U2SURP: variants seen among roughly 807,000 people sequenced by gnomAD.
U2SURP encodes U2 snRNP-associated SURP motif-containing protein.
A neutral mutation model predicts 144.9 loss-of-function variants in U2SURP; 9 were observed. The observed-to-expected ratio is 0.06, with a 90% CI of 0.04 to 0.11. The LOEUF is 0.11. Ranked by LOEUF, U2SURP falls within the 10% of genes least tolerant of loss-of-function variation. U2SURP has a pLI of 1.00. For synonymous variants in U2SURP, 408 were observed against 396.8 expected (o/e 1.03, Z -0.33); for missense variants, 724 against 1,226.7 (o/e 0.59, Z 6.12).
intron 22 of U2SURP, 75 bp downstream of exon 22, chr3:143,038,278 T>C (rs1207242987): frequency 1.6e-5 from 18 of 1,127,216 alleles, no homozygotes; most frequent in Non-Finnish European, 1.3e-5. Context: ...GTATATATGT[T>C]TTCCTTTTAT....
At chr3:143,012,191 G>T (rs1292703480) in intron 2 of U2SURP, 31 bp from the exon 3 acceptor site, 2 of 1,601,506 alleles carry the variant, frequency 1.2e-6, no homozygotes, top group African/African-American at 1.3e-5. Flanking sequence ...TGTGTGGTTT[G>T]TTTTTTTCTC....
At chr3:143,016,648 A>T (rs757149730) in intron 5 of U2SURP, among the ~76,000 whole-genome samples, 194 bp from the exon 6 acceptor site, 1 of 152,154 alleles carries the variant, frequency 6.6e-6, no homozygotes, top group Non-Finnish European at 1.5e-5. Flanking sequence ...ACAAATTTTA[A>T]TATGTGTCAT....
Position 143,004,364 on chromosome 3 carries a change from T to G in U2SURP, c.45+2691T>G, listed in dbSNP as rs990226556. On this transcript the variant is annotated intron_variant, in intron 1 of 27. Transcript: ENST00000473835. ...CTTCTAGTTGGGGTGTTTTTTTTTT[T>G]TTTTTTTTTTTTTTTTTGAGAGGGA... 9.2e-5 allele frequency among the ~76,000 whole-genome samples: 6 copies of G among 65,388 alleles called. No homozygotes were observed. In the South Asian group the frequency reaches 1.4e-3, roughly 15 times the overall value. The allele number at this position is 65,388 out of a possible 152,430, so 42.9% of individuals were successfully genotyped here.
chr3:143,035,496 A>G (rs985450534), intron 19 of U2SURP, among the ~76,000 whole-genome samples: 1 of 152,062 alleles, frequency 6.6e-6, no homozygotes, highest in African/African-American at 2.4e-5. Context: ...CATTCAGACA[A>G]CTCCCATTTT....
chr3:143,004,687 T>A (rs1334397943), intron 1 of U2SURP, among the ~76,000 whole-genome samples: 1 of 151,660 alleles, frequency 6.6e-6, no homozygotes, highest in Non-Finnish European at 1.5e-5. Context: ...TTGAATGACT[T>A]ACCTTTATTC....
chr3:143,047,004 C>A (rs1410444021), intron 24 of U2SURP, among the ~76,000 whole-genome samples: 3 of 139,980 alleles, frequency 2.1e-5, no homozygotes, highest in Non-Finnish European at 4.6e-5. Flanking sequence ...GGGGCTGACC[C>A]CCCCACCTCC....
chr3:143,027,000 C>A, intron 13 of U2SURP, 149 bp from the exon 14 acceptor site: 1 of 612,054 alleles, frequency 1.6e-6, no homozygotes, highest in Non-Finnish European at 2.9e-6. Flanking sequence ...AAGGCATTAA[C>A]ATATGCTCCA....
In U2SURP at chr3:143,045,630, G is replaced by A. The variant is rs377041285; in HGVS notation, c.2544+2354G>A. 7.2e-5 allele frequency among the ~76,000 whole-genome samples: 11 copies of A among 152,190 alleles called. No individual in the cohort carries two copies. In the East Asian group the frequency reaches 2.1e-3, roughly 29 times the overall value. On this transcript the variant is annotated intron_variant, in intron 24 of 27. Coordinates refer to ENST00000473835, the MANE Select transcript of U2SURP (RefSeq NM_001080415.2). The stretch of plus-strand genomic sequence containing the variant: ...TTGTATACGTATATATGCGATACAC[G>A]TGCATGCACATTGCACACATATATG...
rs1293564549 is a variant in U2SURP at position 143,034,905 on chromosome 3, G to A, written c.1871G>A (p.Cys624Tyr). 3 of 1,598,328 alleles carry A rather than the reference G, an allele frequency of 1.9e-6. No homozygotes were observed. Among genetic ancestry groups the A allele is most frequent in the Non-Finnish European group, 2.6e-6 (3 of 1,170,576 alleles). ...YYRKFFETKL[C>Y]QIFSDLNATY... The stretch of plus-strand genomic sequence containing the variant: ...AATTTCAGTTTTGAAACAAAGTTAT[G>A]TCAGATATTTTCAGACCTCAATGCC... Residue 624 changes from cysteine to tyrosine, a missense_variant, in exon 19 of 28, where the codon TGT becomes TAT. Cys to Tyr is a radical substitution (Grantham distance 194). Coordinates refer to ENST00000473835, the MANE Select transcript of U2SURP (RefSeq NM_001080415.2).
intron 1 of U2SURP, among the ~76,000 whole-genome samples, chr3:143,007,444 ATT>A (rs397877854): frequency 8.5e-5 from 10 of 118,220 alleles, no homozygotes; most frequent in East Asian, 2.4e-4. Context: ...CTTTCAAGAG[ATT>A]TTTTTTTTTT....
In U2SURP at chr3:143,034,990, T is replaced by TGG; in HGVS notation, c.1941+15_1941+16insGG. The TGG allele has an allele frequency of 8.1e-7, 1 of 1,235,076 alleles. No individual in the cohort carries two copies. The allele number at this position is 1,235,076 out of a possible 1,614,324, so 76.5% of individuals were successfully genotyped here. ...AAAACTTTAAGGTACGTTTATTGTT[T>TGG]TACTATTTTTGCCCTAGTGTTTTAA... On this transcript the variant is annotated intron_variant, in intron 19 of 27. Transcript: ENST00000473835.
intron 26 of U2SURP, among the ~76,000 whole-genome samples, chr3:143,054,215 CT>C (rs1255213281): frequency 6.6e-6 from 1 of 152,184 alleles, no homozygotes; most frequent in Non-Finnish European, 1.5e-5. Flanking sequence ...TAGGCCAAAG[CT>C]CACCTTAAGT....
At position 143,020,680 on chromosome 3, in the gene U2SURP, TCAG is replaced by T. The variant is rs1243265490; in HGVS notation, c.722_724del (p.Gln241del). ...AACCTCCTCAGTCAGATTCTGATGG[TCAG>T]CGTCGTTCTAGTAAGTGGCATTTAT... On this transcript the variant is annotated inframe_deletion, in exon 8 of 28. Coordinates refer to ENST00000473835, the MANE Select transcript of U2SURP (RefSeq NM_001080415.2). 21 of 1,612,432 alleles carry T rather than the reference TCAG, an allele frequency of 1.3e-5. No homozygotes were observed. Among genetic ancestry groups the T allele is most frequent in the Non-Finnish European group, 1.7e-5 (20 of 1,179,108 alleles).
rs1416415130 is a variant in U2SURP at position 143,024,157 on chromosome 3, G to A, written c.1274+139G>A. 5 of 746,240 alleles carry A rather than the reference G, an allele frequency of 6.7e-6. No individual in the cohort carries two copies. In the East Asian group the frequency reaches 8.0e-5, roughly 12 times the overall value. The allele number at this position is 746,240 out of a possible 1,614,324, so 46.2% of individuals were successfully genotyped here. ...CCCAGTACTTTTTGCGGGGGGATGTGTGAAATTTAACTAACTTTTGTATAC... is the reference window on the plus strand; with the variant it reads ...CCCAGTACTTTTTGCGGGGGGATGTATGAAATTTAACTAACTTTTGTATAC... On this transcript the variant is annotated intron_variant, in intron 13 of 27. Transcript: ENST00000473835.
intron 13 of U2SURP, chr3:143,025,685 G>A (rs1481774835): frequency 6.6e-6 from 1 of 152,104 alleles, no homozygotes; most frequent in Non-Finnish European, 1.5e-5. Flanking sequence ...ATTAAGCAAT[G>A]TTTTTAGTTT....
At position 143,032,673 on chromosome 3, in the gene U2SURP, CA is replaced by C. The variant is rs1184980407; in HGVS notation, c.1611-110del. ...ATCAGACTGAATGTATTACAGTCTT[CA>C]GAATTATTTTATGTGAGTAGGTTTT... On this transcript the variant is annotated intron_variant, in intron 16 of 27. Coordinates refer to ENST00000473835, the MANE Select transcript of U2SURP (RefSeq NM_001080415.2). 1.2e-5 allele frequency: 12 copies of C among 965,306 alleles called. No homozygotes were observed. The East Asian group carries it at 2.8e-4, about 23-fold the overall frequency. 59.8% of individuals were successfully genotyped at this position (965,306 alleles called of 1,614,324 possible). A position where few individuals can be genotyped will look rare whatever the true frequency, so the allele number is the denominator to read the frequency against.
Position 143,023,010 on chromosome 3 carries a change from A to G in U2SURP, c.1176A>G (p.Lys392=). 6.2e-7 allele frequency: 1 copy of G among 1,611,506 alleles called. No homozygotes were observed. Among genetic ancestry groups the G allele is most frequent in the South Asian group, 1.1e-5 (1 of 90,446 alleles). Residue 392 remains lysine, a synonymous_variant, in exon 12 of 28, where the codon AAA becomes AAG. Coordinates refer to ENST00000473835, the MANE Select transcript of U2SURP (RefSeq NM_001080415.2). The stretch of plus-strand genomic sequence containing the variant: ...ATGCGCAGCCTAGAGAGCGGTTAAA[A>G]AACCCTAATGCTCCTATGTTACCGC... ...PFNAQPRERL[K]NPNAPMLPPP...
chr3:143,057,058 T>A lies in U2SURP; in HGVS notation c.*608T>A, dbSNP rs1024781807. 1 of 152,550 alleles carries A rather than the reference T, an allele frequency of 6.6e-6. No homozygotes were observed. The highest frequency in any genetic ancestry group is 1.5e-5 in the Non-Finnish European group (1 of 68,012). The allele number at this position is 152,550 out of a possible 1,614,324, so 9.4% of individuals were successfully genotyped here. On this transcript the variant is annotated 3_prime_UTR_variant, in exon 28 of 28. Coordinates refer to ENST00000473835, the MANE Select transcript of U2SURP (RefSeq NM_001080415.2). ...CCATTTGCTTTTGATAAGTTTCTCT[T>A]GGGTAATACTAATACCCAGATATCA...
chr3:143,034,180 G>T (rs1933675373), intron 18 of U2SURP, among the ~76,000 whole-genome samples: 1 of 152,184 alleles, frequency 6.6e-6, no homozygotes, highest in Admixed American at 6.5e-5. Flanking sequence ...AAGAAGGGCT[G>T]ATTACCTGAG....
Sources: gnomAD v4.1 joint callset for allele counts (sites outside exome capture counted in the v4.1 genomes callset) on GRCh38, gnomAD v4.1.1 for gene constraint, MANE v1.5 for transcripts, NCBI Gene and HGNC (gene_info 2026-07-23, HGNC 2026-07-21) for gene names.